The following GUCA1A variants were observed in gnomAD, a reference collection of about 807,000 sequenced individuals.
GUCA1A encodes guanylyl cyclase-activating protein 1.
A neutral mutation model predicts 18.5 loss-of-function variants in GUCA1A; 14 were observed. The observed-to-expected ratio is 0.76, with a 90% confidence interval of 0.50 to 1.18. GUCA1A has a LOEUF of 1.18. Ranked by LOEUF, GUCA1A falls within the 50% of genes most tolerant of loss-of-function variation. The pLI, the probability that GUCA1A is intolerant of heterozygous loss-of-function variation, is 0.00. For synonymous variants in GUCA1A, 97 were observed against 100.2 expected (o/e 0.97, Z 0.19); for missense variants, 264 against 262.4 (o/e 1.01, Z -0.04).
intron 2 of GUCA1A, 144 bp from the exon 3 acceptor site, chr6:42,178,658 C>T (rs754551108): frequency 4.8e-6 from 4 of 828,016 alleles, no homozygotes; most frequent in South Asian, 1.3e-5. Context: ...CTCTTGAGTC[C>T]CAGCTCTGCC....
In GUCA1A at chr6:42,179,460, G is replaced by T; in HGVS notation, c.*57G>T. 7.1e-7 allele frequency: 1 copy of T among 1,402,024 alleles called. No individual in the cohort carries two copies. Among genetic ancestry groups the T allele is most frequent in the Non-Finnish European group, 9.7e-7 (1 of 1,033,800 alleles). 86.8% of individuals were successfully genotyped at this position (1,402,024 alleles called of 1,614,324 possible). A position where few individuals can be genotyped will look rare whatever the true frequency, so the allele number is the denominator to read the frequency against. On this transcript the variant is annotated 3_prime_UTR_variant, in exon 4 of 4. Transcript: ENST00000372958. ...GTGGGGTGGTATGGTGGTGCCTGTT[G>T]GTGGTGTTCTTGTCTTAACCCTAGA...
At position 42,173,791 on chromosome 6, in the gene GUCA1A, T is replaced by A. The variant is rs764583788; in HGVS notation, c.178T>A (p.Phe60Ile). The change falls in exon 1 of 4, where the codon TTT becomes ATT. Residue 60 changes from phenylalanine (F) to isoleucine (I), a missense_variant. Coordinates refer to ENST00000372958, the MANE Select transcript of GUCA1A (RefSeq NM_001384910.1). ...GGCCAGCCAGTACGTGGAACAGATG[T>A]TTGAGACTTTTGACTTCAACAAGGT... is the stretch of plus-strand genomic sequence containing the variant. Reference protein sequence around the residue: ...PSASQYVEQMFETFDFNKDGY... With the variant: ...PSASQYVEQMIETFDFNKDGY... The A allele has an allele frequency of 6.2e-7, 1 of 1,613,828 alleles. No homozygotes were observed. Among genetic ancestry groups the A allele is most frequent in the Non-Finnish European group, 8.5e-7 (1 of 1,179,782 alleles).
chr6:42,177,659 G>A (rs922474124), intron 1 of GUCA1A, among the ~76,000 whole-genome samples: 5 of 152,140 alleles, frequency 3.3e-5, no homozygotes, highest in Admixed American at 1.3e-4. Context: ...CCCTCCCCCA[G>A]AGGAAACCTC....
chr6:42,178,800 A>G lies in GUCA1A; in HGVS notation c.352-2A>G. ...TCACTTCTGCCCCTTCTTCCCTCCC[A>G]GGCCATTCGCGCCATTAACCCCTGC... is the stretch of plus-strand genomic sequence containing the variant. On this transcript the variant is annotated splice_acceptor_variant, in intron 2 of 3. Coordinates refer to ENST00000372958, the MANE Select transcript of GUCA1A (RefSeq NM_001384910.1). LOFTEE classifies it high-confidence loss of function. 6.2e-7 allele frequency: 1 copy of G among 1,609,458 alleles called. No individual in the cohort carries two copies. Among genetic ancestry groups the G allele is most frequent in the African/African-American group, 1.3e-5 (1 of 74,896 alleles).
chr6:42,179,161 C>A, intron 3 of GUCA1A, 82 bp from the exon 4 acceptor site: 1 of 1,319,878 alleles, frequency 7.6e-7, no homozygotes, highest in Non-Finnish European at 1.1e-6. Flanking sequence ...CTGTCCCTGC[C>A]CCTGGCAAGA....
rs1346787374 is a variant in GUCA1A at position 42,173,825 on chromosome 6, G to T, written c.201+11G>T. ...TTTGACTTCAACAAGGTGAGCAGGG[G>T]CCCAGTGGCAGGGAGGGGAAGTGCT... On this transcript the variant is annotated intron_variant, in intron 1 of 3. Transcript: ENST00000372958. The T allele has an allele frequency of 5.6e-6, 9 of 1,605,440 alleles. No homozygotes were observed. Among genetic ancestry groups the T allele is most frequent in the Admixed American group, 1.7e-5 (1 of 60,008 alleles).
intron 1 of GUCA1A, among the ~76,000 whole-genome samples, chr6:42,176,870 G>A (rs1240311911): frequency 1.3e-5 from 2 of 152,158 alleles, no homozygotes; most frequent in Non-Finnish European, 2.9e-5. Context: ...CTGCTTTCAC[G>A]TAAAATGACA....
At chr6:42,175,625 A>G (rs1177631538) in intron 1 of GUCA1A, among the ~76,000 whole-genome samples, 1 of 152,140 alleles carries the variant, frequency 6.6e-6, no homozygotes, top group African/African-American at 2.4e-5. Context: ...TCGGCCTCCC[A>G]TAGTGCTGGG....
chr6:42,178,564 C>T, intron 2 of GUCA1A, 135 bp downstream of exon 2: 1 of 922,560 alleles, frequency 1.1e-6, no homozygotes, highest in Non-Finnish European at 1.8e-6. Flanking sequence ...CTGTAGGCCT[C>T]ACCAGCTGCG....
rs1767880414 is a variant in GUCA1A at position 42,173,828 on chromosome 6, C to A, written c.201+14C>A. 1 of 1,601,434 alleles carries A rather than the reference C, an allele frequency of 6.2e-7. No individual in the cohort carries two copies. Among genetic ancestry groups the A allele is most frequent in the Non-Finnish European group, 8.6e-7 (1 of 1,168,660 alleles). On this transcript the variant is annotated intron_variant, in intron 1 of 3. Coordinates refer to ENST00000372958, the MANE Select transcript of GUCA1A (RefSeq NM_001384910.1). ...GACTTCAACAAGGTGAGCAGGGGCC[C>A]AGTGGCAGGGAGGGGAAGTGCTGGA...
In GUCA1A at chr6:42,173,738, T is replaced by A. The variant is rs745917846; in HGVS notation, c.125T>A (p.Phe42Tyr). The change falls in exon 1 of 4, where the codon TTC becomes TAC. Residue 42 changes from phenylalanine (F) to tyrosine (Y), a missense_variant. Coordinates refer to ENST00000372958, the MANE Select transcript of GUCA1A (RefSeq NM_001384910.1). ...GQLTLYEFRQ[F>Y]FGLKNLSPSA... The stretch of plus-strand genomic sequence containing the variant: ...CTCACCCTCTATGAGTTCCGCCAGT[T>A]CTTCGGCCTCAAGAACCTGAGCCCG... 1.9e-6 allele frequency: 3 copies of A among 1,614,168 alleles called. No individual in the cohort carries two copies. In the South Asian group the frequency reaches 3.3e-5, roughly 18 times the overall value.
chr6:42,175,198 C>T (rs928878742), intron 1 of GUCA1A, among the ~76,000 whole-genome samples: 1 of 151,774 alleles, frequency 6.6e-6, no homozygotes, highest in Non-Finnish European at 1.5e-5. Flanking sequence ...ACCTTACCCC[C>T]AAACAGCGAC....
intron 3 of GUCA1A, 112 bp from the exon 4 acceptor site, chr6:42,179,131 G>T: frequency 9.3e-7 from 1 of 1,072,016 alleles, no homozygotes; most frequent in Non-Finnish European, 1.4e-6. Context: ...CAGGGGCTCT[G>T]ACTTCTCCTC....
At position 42,173,582 on chromosome 6, in the gene GUCA1A, T is replaced by A; in HGVS notation, c.-32T>A. ...AGGAGCAGCGAACAGGGCCTGTCCA[T>A]CTCAGACGTCAGCCCCCTGAAGGCC... On this transcript the variant is annotated 5_prime_UTR_variant, in exon 1 of 4. Coordinates refer to ENST00000372958, the MANE Select transcript of GUCA1A (RefSeq NM_001384910.1). The A allele has an allele frequency of 6.4e-7, 1 of 1,574,758 alleles. No individual in the cohort carries two copies. Among genetic ancestry groups the A allele is most frequent in the South Asian group, 1.1e-5 (1 of 90,250 alleles).
At chr6:42,179,106 T>A (rs1562059610) in intron 3 of GUCA1A, 137 bp from the exon 4 acceptor site, 2 of 940,884 alleles carry the variant, frequency 2.1e-6, no homozygotes, top group East Asian at 4.8e-5. Context: ...GTTCCTCTGC[T>A]TGCTGCACCC....
rs1767863884 is a variant in GUCA1A at position 42,173,537 on chromosome 6, G to A, written c.-77G>A. The A allele has an allele frequency of 1.9e-5, 23 of 1,236,380 alleles. No homozygotes were observed. Among genetic ancestry groups the A allele is most frequent in the Middle Eastern group, 2.6e-4 (1 of 3,800 alleles). 76.6% of individuals were successfully genotyped at this position (1,236,380 alleles called of 1,614,324 possible). A position where few individuals can be genotyped will look rare whatever the true frequency, so the allele number is the denominator to read the frequency against. ...TGTGAGAGAGGACGGCCCCGTTGTC[G>A]GCCAAGACACCTTTGGGCGAGGAGC... On this transcript the variant is annotated 5_prime_UTR_variant, in exon 1 of 4. Transcript: ENST00000372958.
At chr6:42,177,722 C>T (rs1454306270) in intron 1 of GUCA1A, among the ~76,000 whole-genome samples, 3 of 152,194 alleles carry the variant, frequency 2.0e-5, no homozygotes, top group African/African-American at 4.8e-5. Flanking sequence ...CCTCTCTGGG[C>T]TCTGTGCTGA....
At chr6:42,176,636 A>G (rs1767969141) in intron 1 of GUCA1A, among the ~76,000 whole-genome samples, 1 of 151,866 alleles carries the variant, frequency 6.6e-6, no homozygotes, top group Admixed American at 6.6e-5. Context: ...TTTTCACCAC[A>G]TTGGCCAGGC....
chr6:42,178,727 T>C, intron 2 of GUCA1A, 75 bp from the exon 3 acceptor site: 2 of 1,197,644 alleles, frequency 1.7e-6, no homozygotes, highest in Non-Finnish European at 2.5e-6. Context: ...GGACAAGCTC[T>C]GACCGTCCCC....
Sources: allele counts gnomAD v4.1 joint callset (sites outside exome capture counted in the v4.1 genomes callset), GRCh38; gene constraint gnomAD v4.1.1; transcripts MANE v1.5; gene names NCBI Gene and HGNC (gene_info 2026-07-23, HGNC 2026-07-21).